Variants in PACRGL observed in about 807,000 individuals in gnomAD.
The protein encoded by PACRGL is PACRG-like protein.
A neutral mutation model predicts 34.5 loss-of-function variants in PACRGL; 38 were observed. The observed-to-expected ratio is 1.10, with a 90% CI of 0.85 to 1.44. PACRGL has a LOEUF of 1.44. Ranked by LOEUF, PACRGL falls within the 40% of genes most tolerant of loss-of-function variation. PACRGL has a pLI of 0.00. For missense variants in PACRGL, 305 were observed against 281.4 expected (o/e 1.08, Z -0.60); for synonymous variants, 128 against 100.1 (o/e 1.28, Z -1.66).
At chr4:20,709,639 G>T (rs780305721) in intron 4 of PACRGL, 44 bp from the exon 5 acceptor site, 4 of 1,261,490 alleles carry the variant, frequency 3.2e-6, no homozygotes, top group South Asian at 1.3e-5. Context: ...GCTTAATATA[G>T]AATTATATTT....
chr4:20,742,592 A>C (rs912294772), intron 8 of PACRGL, among the ~76,000 whole-genome samples: 3 of 152,294 alleles, frequency 2.0e-5, no homozygotes, highest in African/African-American at 7.2e-5. Flanking sequence ...TTTATGGCAA[A>C]CCCACAGCCA....
chr4:20,732,834 A>G (rs1191117864), downstream of PACRGL: 2 of 1,137,532 alleles, frequency 1.8e-6, no homozygotes, highest in African/African-American at 1.5e-5. Flanking sequence ...GTATGAAGAA[A>G]CCAGTCTAAG....
chr4:20,763,271 TG>T, the PACRGL span, among the ~76,000 whole-genome samples: 13 of 152,196 alleles, frequency 8.5e-5, no homozygotes, highest in Non-Finnish European at 1.9e-4. Context: ...TTTGCTTTTT[TG>T]GATGAGGGAT....
intron 7 of PACRGL, among the ~76,000 whole-genome samples, chr4:20,715,787 C>T (rs191290397): frequency 2.0e-5 from 3 of 152,168 alleles, no homozygotes; most frequent in East Asian, 3.9e-4. Flanking sequence ...ATTGCTTGAA[C>T]CTTGGAGGTG....
At chr4:20,708,464 C>A (rs1735564799) in intron 4 of PACRGL, among the ~76,000 whole-genome samples, 1 of 151,638 alleles carries the variant, frequency 6.6e-6, no homozygotes, top group Non-Finnish European at 1.5e-5. Context: ...ATTTTTGTTC[C>A]AAAATTCAAG....
At chr4:20,756,456 G>T (rs1365675285), downstream of PACRGL, among the ~76,000 whole-genome samples, 1 of 152,032 alleles carries the variant, frequency 6.6e-6, no homozygotes, top group Non-Finnish European at 1.5e-5. Context: ...TCTTCCCTGT[G>T]TATAAACAAT....
upstream of PACRGL, among the ~76,000 whole-genome samples, chr4:20,698,587 C>G (rs1578067216): frequency 6.6e-6 from 1 of 152,190 alleles, no homozygotes; most frequent in East Asian, 1.9e-4. Context: ...CAAGAAAGCA[C>G]CCACCACTTA....
At chr4:20,717,361 G>T (rs1310474738) in intron 7 of PACRGL, among the ~76,000 whole-genome samples, 1 of 152,110 alleles carries the variant, frequency 6.6e-6, no homozygotes, top group East Asian at 1.9e-4. Flanking sequence ...GTCAATTTTG[G>T]CTTTTGTTGC....
At chr4:20,723,498 A>G (rs1744331859) in intron 7 of PACRGL, among the ~76,000 whole-genome samples, 1 of 151,868 alleles carries the variant, frequency 6.6e-6, no homozygotes, top group South Asian at 2.1e-4. Context: ...TCTGCTGAGA[A>G]AATTGGGATG....
chr4:20,748,584 A>T (rs1256156285), intron 8 of PACRGL, among the ~76,000 whole-genome samples: 1 of 93,614 alleles, frequency 1.1e-5, no homozygotes, highest in African/African-American at 3.6e-5. Context: ...ATATATATAT[A>T]TATATATATA....
chr4:20,716,524 C>T (rs1740108607), intron 7 of PACRGL, among the ~76,000 whole-genome samples: 1 of 152,128 alleles, frequency 6.6e-6, no homozygotes, highest in Admixed American at 6.5e-5. Flanking sequence ...TGATGTTCCC[C>T]TTCCTGTGTC....
intron 3 of PACRGL, 53 bp downstream of exon 3, chr4:20,704,867 A>G: frequency 1.9e-6 from 3 of 1,573,168 alleles, no homozygotes; most frequent in Non-Finnish European, 1.7e-6. Flanking sequence ...CATTTCGCAC[A>G]GTATTGAACA....
chr4:20,717,825 T>A (rs1212880128), intron 7 of PACRGL, among the ~76,000 whole-genome samples: 13 of 151,600 alleles, frequency 8.6e-5, no homozygotes, highest in South Asian at 2.1e-4. Flanking sequence ...GGGCTCTTTT[T>A]TGTTTCCATA....
intron 1 of PACRGL, among the ~76,000 whole-genome samples, chr4:20,703,221 G>A (rs185445228): frequency 6.6e-6 from 1 of 152,178 alleles, no homozygotes; most frequent in Non-Finnish European, 1.5e-5. Flanking sequence ...GACTTTACCT[G>A]TGTTGTCCTA....
At position 20,712,868 on chromosome 4, in the gene PACRGL, T is replaced by G; in HGVS notation, c.447T>G (p.Pro149=). ...AATTACTTTTGGTCAAAGGTGCTCCTGAAAAAGCTATTCCTTTGCTACCTA... is the reference window on the plus strand; with the variant it reads ...AATTACTTTTGGTCAAAGGTGCTCCGGAAAAAGCTATTCCTTTGCTACCTA... The part of the protein sequence containing the change: ...FRELLLVKGA[P]EKAIPLLPRL... Residue 149 remains proline, a synonymous_variant, in exon 6 of 9, where the codon CCT becomes CCG. Transcript: ENST00000503585. The G allele has an allele frequency of 6.2e-7, 1 of 1,605,644 alleles. No homozygotes were observed. The highest frequency in any genetic ancestry group is 2.2e-5 in the East Asian group (1 of 44,706).
At chr4:20,750,985 C>T (rs1753515456) in intron 8 of PACRGL, among the ~76,000 whole-genome samples, 1 of 152,060 alleles carries the variant, frequency 6.6e-6, no homozygotes, top group African/African-American at 2.4e-5. Flanking sequence ...ACAGAATTGC[C>T]CTCTGAGGAG....
In PACRGL at chr4:20,731,379, A is replaced by G. The variant is rs569284686; in HGVS notation, c.*4038A>G. 2 of 985,054 alleles carry G rather than the reference A, an allele frequency of 2.0e-6. No individual in the cohort carries two copies. The highest frequency in any genetic ancestry group is 9.4e-5 in the South Asian group (2 of 21,278). 61.0% of individuals were successfully genotyped at this position (985,054 alleles called of 1,614,324 possible). On this transcript the variant is annotated 3_prime_UTR_variant, in exon 9 of 9. Coordinates refer to ENST00000503585, the MANE Select transcript of PACRGL (RefSeq NM_001258345.3). ...GTGAGCTACTGTACCAGGCCTTAAC[A>G]ATTTTTAACTGTGGTTCTGCCCACA...
chr4:20,717,016 G>C (rs1408721819), intron 7 of PACRGL, among the ~76,000 whole-genome samples: 3 of 152,130 alleles, frequency 2.0e-5, no homozygotes, highest in African/African-American at 7.2e-5. Flanking sequence ...ACTTTTTAAT[G>C]ATTGCCATTC....
upstream of PACRGL, among the ~76,000 whole-genome samples, chr4:20,696,820 G>C (rs151321584): frequency 6.6e-6 from 1 of 152,122 alleles, no homozygotes; most frequent in Non-Finnish European, 1.5e-5. Context: ...ATTTAAATGT[G>C]CTATACATGT....
Sources: gnomAD v4.1 joint callset for allele counts (sites outside exome capture counted in the v4.1 genomes callset) on GRCh38, gnomAD v4.1.1 for gene constraint, MANE v1.5 for transcripts, NCBI Gene and HGNC (gene_info 2026-07-23, HGNC 2026-07-21) for gene names.